Variants in DNAH9 observed in about 807,000 individuals in gnomAD.
The protein encoded by DNAH9 is dynein axonemal heavy chain 9.
In DNAH9, 345 loss-of-function variants were observed where a neutral mutation model predicts 471.6. That is an observed-to-expected ratio of 0.73 (90% CI 0.67 to 0.80). The LOEUF (loss-of-function observed/expected upper bound fraction) is 0.80, where lower values mean the gene tolerates loss of function less well. Ranked by LOEUF, DNAH9 falls within the 30% of genes least tolerant of loss-of-function variation. The probability of loss-of-function intolerance (pLI) is 0.00; values close to 1 mark genes in which losing one functional copy is unlikely to be tolerated. For synonymous variants in DNAH9, 2,093 were observed against 2,123.6 expected, an observed-to-expected ratio of 0.99 and a Z score of 0.40; for missense variants, 5,407 against 5,609.2, an observed-to-expected ratio of 0.96 and a Z score of 1.15.
chr17:11,646,913 CAA>C (rs2073403910), intron 11 of DNAH9, among the ~76,000 whole-genome samples, 157 bp from the exon 12 acceptor site: 1 of 152,032 alleles, frequency 6.6e-6, no homozygotes, highest in Non-Finnish European at 1.5e-5. Context: ...AACTCTGTCT[CAA>C]AAAGAAAGAA....
intron 67 of DNAH9, among the ~76,000 whole-genome samples, chr17:11,957,545 G>T (rs1975710589): frequency 6.7e-6 from 1 of 148,700 alleles, no homozygotes; most frequent in Non-Finnish European, 1.5e-5. Context: ...TTTTCTTTAT[G>T]CCTCATAGAC....
Position 11,797,549 on chromosome 17 carries a change from C to T in DNAH9, c.8224-48C>T, listed in dbSNP as rs764785532. The T allele has an allele frequency of 4.0e-6, 6 of 1,513,926 alleles. No individual in the cohort carries two copies. In the African/African-American group the frequency reaches 8.3e-5, roughly 21 times the overall value. The allele number at this position is 1,513,926 out of a possible 1,614,324, so 93.8% of individuals were successfully genotyped here. A position where few individuals can be genotyped will look rare whatever the true frequency, so the allele number is the denominator to read the frequency against. On this transcript the variant is annotated intron_variant, in intron 42 of 68. Coordinates refer to ENST00000262442, the MANE Select transcript of DNAH9 (RefSeq NM_001372.4). ...AGGTGTCTCTGCTCTGTGGAACCAG[C>T]CCCAGAAGTCAATAATGAGGGCCCT...
chr17:11,664,728 A>G, intron 14 of DNAH9, 105 bp from the exon 15 acceptor site: 8 of 929,454 alleles, frequency 8.6e-6, no homozygotes, highest in South Asian at 3.0e-5. Context: ...AATTCTCCAC[A>G]AGAGAGTTTT....
rs778128222 is a variant in DNAH9 at position 11,871,780 on chromosome 17, G to A, written c.10236G>A (p.Gln3412=). 15 of 1,613,846 alleles carry A rather than the reference G, an allele frequency of 9.3e-6. No individual in the cohort carries two copies. The East Asian group carries it at 1.8e-4, about 19-fold the overall frequency. ...GAACTTGGAGGCCCTACCTGAGCCA[G>A]CTGAAAGTACGTATGGCCTGAATTT... ...LDRTWRPYLS[Q]LKTPIPVTPA... Residue 3412 remains glutamine (Q), a synonymous_variant, in exon 52 of 69, where the codon CAG becomes CAA. Transcript: ENST00000262442.
chr17:11,604,561 A>G (rs902928681), intron 1 of DNAH9, among the ~76,000 whole-genome samples: 1 of 152,110 alleles, frequency 6.6e-6, no homozygotes, highest in Non-Finnish European at 1.5e-5. Context: ...GAGATACTAC[A>G]TTTTAACATG....
At chr17:11,865,196 G>A (rs1597754689) in intron 50 of DNAH9, among the ~76,000 whole-genome samples, 1 of 152,056 alleles carries the variant, frequency 6.6e-6, no homozygotes, top group African/African-American at 2.4e-5. Context: ...CTTCCTTCAG[G>A]AGCTCTTTTA....
intron 67 of DNAH9, 43 bp from the exon 68 acceptor site, chr17:11,961,824 T>C (rs373462131): frequency 6.4e-7 from 1 of 1,551,264 alleles, no homozygotes; most frequent in South Asian, 1.2e-5. Flanking sequence ...TTCAGGGACT[T>C]CCCACCTTCT....
rs949365135 is a variant in DNAH9 at position 11,684,662 on chromosome 17, A to G, written c.3743+3773A>G. Among the ~76,000 whole-genome samples the G allele has an allele frequency of 4.6e-5, 7 of 152,294 alleles. No homozygotes were observed. The South Asian group carries it at 1.5e-3, about 32-fold the overall frequency. On this transcript the variant is annotated intron_variant, in intron 19 of 68. Coordinates refer to ENST00000262442, the MANE Select transcript of DNAH9 (RefSeq NM_001372.4). Reference sequence around the variant, plus strand: ...TGAGCCAAAATAATCTACCTCTGTGAGCTCCAGCTCAATGAAGACCATTCG... The same window carrying G: ...TGAGCCAAAATAATCTACCTCTGTGGGCTCCAGCTCAATGAAGACCATTCG...
intron 67 of DNAH9, among the ~76,000 whole-genome samples, chr17:11,958,470 A>G (rs553400000): frequency 1.3e-5 from 2 of 152,350 alleles, no homozygotes; most frequent in Admixed American, 6.5e-5. Flanking sequence ...CTGTAATGAT[A>G]CAATATGATA....
intron 32 of DNAH9, among the ~76,000 whole-genome samples, chr17:11,748,889 T>A (rs185539433): frequency 6.6e-6 from 1 of 152,246 alleles, no homozygotes; most frequent in Admixed American, 6.5e-5. Context: ...TCAAACTCTC[T>A]GGATTTCTCT....
chr17:11,956,243 A>G (rs1975631660), intron 67 of DNAH9, among the ~76,000 whole-genome samples: 1 of 152,246 alleles, frequency 6.6e-6, no homozygotes, highest in African/African-American at 2.4e-5. Flanking sequence ...CAATATTACC[A>G]TGGATGAAGA....
At chr17:11,886,039 C>A (rs887540624) in intron 56 of DNAH9, among the ~76,000 whole-genome samples, 7 of 152,158 alleles carry the variant, frequency 4.6e-5, no homozygotes, top group African/African-American at 1.7e-4. Flanking sequence ...AAACAATTTT[C>A]TGGCTGGGCG....
At chr17:11,598,995 C>G in intron 1 of DNAH9, 80 bp downstream of exon 1, 2 of 1,121,788 alleles carry the variant, frequency 1.8e-6, no homozygotes, top group South Asian at 1.8e-5. Flanking sequence ...GGAGGCGGGG[C>G]CAGAGGGGGC....
chr17:11,798,511 C>T (rs1969339335), intron 43 of DNAH9, among the ~76,000 whole-genome samples: 1 of 144,280 alleles, frequency 6.9e-6, no homozygotes, highest in South Asian at 2.3e-4. Flanking sequence ...ATACATATTT[C>T]AAAAATTAAA....
intron 49 of DNAH9, among the ~76,000 whole-genome samples, chr17:11,838,662 G>A (rs2150956908): frequency 6.6e-6 from 1 of 152,250 alleles, no homozygotes; most frequent in Non-Finnish European, 1.5e-5. Context: ...CTCTAAAGGT[G>A]AGTTGAACAA....
intron 45 of DNAH9, among the ~76,000 whole-genome samples, chr17:11,820,080 G>A (rs920766163): frequency 1.3e-5 from 2 of 151,850 alleles, no homozygotes; most frequent in South Asian, 4.2e-4. Flanking sequence ...TGGGTTTGGG[G>A]GTGATATCTA....
At chr17:11,920,479 G>A (rs1337668564) in intron 61 of DNAH9, among the ~76,000 whole-genome samples, 1 of 151,582 alleles carries the variant, frequency 6.6e-6, no homozygotes, top group African/African-American at 2.4e-5. Context: ...AAATTAGCTG[G>A]GCATGGTGGC....
At chr17:11,728,706 A>AG (rs1185622860) in intron 28 of DNAH9, among the ~76,000 whole-genome samples, 2 of 151,998 alleles carry the variant, frequency 1.3e-5, no homozygotes, top group Non-Finnish European at 2.9e-5. Context: ...AGGAGGGTGA[A>AG]GGGGGGGAAC....
intron 38 of DNAH9, among the ~76,000 whole-genome samples, chr17:11,774,701 A>G (rs1014526537): frequency 2.0e-5 from 3 of 152,164 alleles, no homozygotes; most frequent in African/African-American, 7.2e-5. Flanking sequence ...GCCAACCCAT[A>G]TCATTACTAT....
Sources: allele counts gnomAD v4.1 joint callset (sites outside exome capture counted in the v4.1 genomes callset), GRCh38; gene constraint gnomAD v4.1.1; transcripts MANE v1.5; gene names NCBI Gene and HGNC (gene_info 2026-07-23, HGNC 2026-07-21).